Variants in ATP6V1B1 observed in about 807,000 individuals in gnomAD.
ATP6V1B1 encodes V-type proton ATPase subunit B, kidney isoform.
Under a neutral mutation model 62.1 loss-of-function variants are expected in ATP6V1B1, and 41 were observed. That is an observed-to-expected ratio of 0.66 (90% confidence interval 0.51 to 0.86). The LOEUF is 0.86. Ranked by LOEUF, ATP6V1B1 falls within the 40% of genes least tolerant of loss-of-function variation. The pLI, the probability that ATP6V1B1 is intolerant of heterozygous loss-of-function variation, is 0.00. For missense variants in ATP6V1B1, 651 were observed against 697.5 expected (o/e 0.93, Z 0.75); for synonymous variants, 253 against 273.4 (o/e 0.93, Z 0.74).
rs111803585 is a variant in ATP6V1B1, at chr2:70,960,358, A to G, written c.585+280A>G. On this transcript the variant is annotated intron_variant, in intron 6 of 13. Coordinates refer to ENST00000234396, the MANE Select transcript of ATP6V1B1 (RefSeq NM_001692.4). Reference sequence around the variant, plus strand: ...GGGGGAGCTCACAGCCCCTACCACCATCCCTGCACTCATCTTTACTCACCC... The same window carrying G: ...GGGGGAGCTCACAGCCCCTACCACCGTCCCTGCACTCATCTTTACTCACCC... 1.1e-4 allele frequency among the ~76,000 whole-genome samples: 17 copies of G among 152,218 alleles called. 1 individual carries two copies. The highest frequency in any genetic ancestry group is 3.9e-4 in the African/African-American group (16 of 41,546).
At chr2:70,961,918 T>C in intron 8 of ATP6V1B1, 1 of 590,986 alleles carries the variant, frequency 1.7e-6, no homozygotes, top group East Asian at 2.9e-5. Flanking sequence ...CTGTGCCCTC[T>C]GCTCTTCCCA....
chr2:70,961,098 C>A (rs190416898), intron 7 of ATP6V1B1, 76 bp downstream of exon 7: 4 of 1,452,400 alleles, frequency 2.8e-6, no homozygotes, highest in East Asian at 2.5e-5. Context: ...CCTGGCATGA[C>A]CTGATCTGAT....
chr2:70,945,370 T>C lies in ATP6V1B1; in HGVS notation c.174+1657T>C, dbSNP rs562130933. Among the ~76,000 whole-genome samples, 13 of 152,290 alleles carry C rather than the reference T, an allele frequency of 8.5e-5. 1 individual carries two copies. The highest frequency in any genetic ancestry group is 3.9e-4 in the Admixed American group (6 of 15,298). On this transcript the variant is annotated intron_variant, in intron 2 of 13. Coordinates refer to ENST00000234396, the MANE Select transcript of ATP6V1B1 (RefSeq NM_001692.4). Reference sequence around the variant, plus strand: ...AACACTAAATTTGCGTAAACGTTAATGAATGTAAAAATGTAACTTTCCCAT... The same window carrying C: ...AACACTAAATTTGCGTAAACGTTAACGAATGTAAAAATGTAACTTTCCCAT...
In ATP6V1B1 at chr2:70,935,905, T is replaced by A. The variant is rs782349438; in HGVS notation, c.-50T>A. On this transcript the variant is annotated 5_prime_UTR_variant, in exon 1 of 14. Coordinates refer to ENST00000234396, the MANE Select transcript of ATP6V1B1 (RefSeq NM_001692.4). ...CCAGCTGGACCTGAAGTCTCAGAGC[T>A]GCCACCAGCAGCAGGCTCAGACACT... The A allele has an allele frequency of 1.3e-6, 2 of 1,526,656 alleles. No homozygotes were observed. The highest frequency in any genetic ancestry group is 3.4e-5 in the Admixed American group (2 of 58,148). The allele number at this position is 1,526,656 out of a possible 1,614,324, so 94.6% of individuals were successfully genotyped here.
At chr2:70,948,782 G>A (rs1330636232) in intron 2 of ATP6V1B1, among the ~76,000 whole-genome samples, 1 of 152,156 alleles carries the variant, frequency 6.6e-6, no homozygotes, top group Non-Finnish European at 1.5e-5. Flanking sequence ...CCTCTTCACA[G>A]GACAAGGGAG....
chr2:70,959,165 G>T lies in ATP6V1B1; in HGVS notation c.445+70G>T. 2.0e-6 allele frequency: 3 copies of T among 1,527,624 alleles called. No homozygotes were observed. Among genetic ancestry groups the T allele is most frequent in the South Asian group, 1.1e-5 (1 of 88,110 alleles). 94.6% of individuals were successfully genotyped at this position (1,527,624 alleles called of 1,614,324 possible). ...CACCTTCCCCACTCTTGGAAGTTCT[G>T]CCCAGACTCACAAGCAGATCAGATG... On this transcript the variant is annotated intron_variant, in intron 5 of 13. Coordinates refer to ENST00000234396, the MANE Select transcript of ATP6V1B1 (RefSeq NM_001692.4). This position sits in a 1 kb window ranked among gnomAD's most constrained non-coding sequence, Gnocchi z 4.2.
chr2:70,949,935 GGATT>G (rs1277945152), intron 2 of ATP6V1B1, among the ~76,000 whole-genome samples: 2 of 151,782 alleles, frequency 1.3e-5, no homozygotes, highest in Non-Finnish European at 2.9e-5. Flanking sequence ...TCTTTTAATT[GGATT>G]ATTCAGAAAG....
At chr2:70,942,272 G>C (rs1680023973) in intron 1 of ATP6V1B1, 2 of 399,558 alleles carry the variant, frequency 5.0e-6, no homozygotes, top group Non-Finnish European at 8.8e-6. Context: ...TGAAGGCAGG[G>C]AGCTGAGGGA....
intron 2 of ATP6V1B1, among the ~76,000 whole-genome samples, chr2:70,952,581 T>G (rs1680346708): frequency 6.6e-6 from 1 of 152,216 alleles, no homozygotes; most frequent in African/African-American, 2.4e-5. Flanking sequence ...TCTCTATTAT[T>G]ATGAATTTTG....
rs565888772 is a variant in ATP6V1B1 at position 70,959,500 on chromosome 2, A to T, written c.445+405A>T. The stretch of plus-strand genomic sequence containing the variant: ...CCGTGGCTTGCCCTACGCCACACAG[A>T]AAGTCAGTGGCAGAGCACAGAAGAC... On this transcript the variant is annotated intron_variant, in intron 5 of 13. Coordinates refer to ENST00000234396, the MANE Select transcript of ATP6V1B1 (RefSeq NM_001692.4). This position sits in a 1 kb window ranked among gnomAD's most constrained non-coding sequence, Gnocchi z 4.2. Among the ~76,000 whole-genome samples the T allele has an allele frequency of 3.3e-5, 5 of 152,334 alleles. No homozygotes were observed. The East Asian group carries it at 9.7e-4, about 29-fold the overall frequency.
At chr2:70,944,717 G>A (rs1227508376) in intron 2 of ATP6V1B1, among the ~76,000 whole-genome samples, 5 of 144,010 alleles carry the variant, frequency 3.5e-5, no homozygotes, top group African/African-American at 1.3e-4. Flanking sequence ...CCCCCAGGCT[G>A]GAGTGCAGTG....
At chr2:70,944,120 C>A in intron 2 of ATP6V1B1, 1 of 1,285,524 alleles carries the variant, frequency 7.8e-7, no homozygotes, top group Non-Finnish European at 1.0e-6. Flanking sequence ...ACAGGATCTT[C>A]TTTTAACGGG....
intron 9 of ATP6V1B1, 81 bp downstream of exon 9, chr2:70,962,981 G>C: frequency 6.2e-7 from 1 of 1,607,526 alleles, no homozygotes; most frequent in Non-Finnish European, 8.5e-7. Context: ...CCTGCAAATA[G>C]AGGGGAGCTG....
Position 70,959,993 on chromosome 2 carries a change from G to A in ATP6V1B1, c.500G>A (p.Gly167Asp). Residue 167 changes from glycine to aspartate, a missense_variant, in exon 6 of 14, where the codon GGC becomes GAC. Physicochemically the swap from Gly to Asp is moderately conservative, Grantham distance 94 (BLOSUM62 -1). Transcript: ENST00000234396. This position sits in a 1 kb window ranked among gnomAD's most constrained non-coding sequence, Gnocchi z 4.2. ...RIYPEEMIQT[G>D]ISPIDVMNSI... is the part of the protein sequence containing the mutation. Reference sequence around the variant, plus strand: ...TACCCCGAGGAGATGATTCAGACGGGCATTTCTCCTATTGACGTCATGAAC... The same window carrying A: ...TACCCCGAGGAGATGATTCAGACGGACATTTCTCCTATTGACGTCATGAAC... The A allele has an allele frequency of 1.2e-6, 2 of 1,614,206 alleles. No individual in the cohort carries two copies. Among genetic ancestry groups the A allele is most frequent in the Non-Finnish European group, 1.7e-6 (2 of 1,180,042 alleles).
rs35710919 is a variant in ATP6V1B1, at chr2:70,945,701, GATATATATATATATATATAT to G, written c.174+2010_174+2029del. Among the ~76,000 whole-genome samples the G allele has an allele frequency of 2.4e-4, 20 of 83,022 alleles. 1 individual carries two copies. The highest frequency in any genetic ancestry group is 1.9e-3 in the South Asian group (5 of 2,590). The allele number at this position is 83,022 out of a possible 152,430, so 54.5% of individuals were successfully genotyped here. A position where few individuals can be genotyped will look rare whatever the true frequency, so the allele number is the denominator to read the frequency against. On this transcript the variant is annotated intron_variant, in intron 2 of 13. Transcript: ENST00000234396. ...TATCCTCTTTCTGGCTATTTGAAGA[GATATATATATATATATATAT>G]ATATATATATATATATATATAGTTG... is the stretch of plus-strand genomic sequence containing the variant.
At chr2:70,961,138 G>T (rs1383794785) in intron 7 of ATP6V1B1, 116 bp downstream of exon 7, 1 of 1,104,032 alleles carries the variant, frequency 9.1e-7, no homozygotes, top group African/African-American at 1.6e-5. Flanking sequence ...CGGCCAGCCA[G>T]GAGGGGTGAG....
chr2:70,950,973 A>T (rs566699437), intron 2 of ATP6V1B1, among the ~76,000 whole-genome samples: 9 of 83,520 alleles, frequency 1.1e-4, no homozygotes, highest in Admixed American at 5.7e-4. Context: ...ACGGAGTTTC[A>T]CTCTTGTTGC....
Position 70,964,964 on chromosome 2 carries a change from A to G in ATP6V1B1, c.1385A>G (p.Tyr462Cys). 1.2e-6 allele frequency: 2 copies of G among 1,613,888 alleles called. 1 individual carries two copies. The highest frequency in any genetic ancestry group is 2.2e-5 in the South Asian group (2 of 91,076). ...FEKNFINQGP[Y>C]ENRSVFESLD... ...CCTCCCGCTCTGTCCCTAGGCCCCTACGAGAACCGCTCGGTGTTCGAGTCG... is the reference window on the plus strand; with the variant it reads ...CCTCCCGCTCTGTCCCTAGGCCCCTGCGAGAACCGCTCGGTGTTCGAGTCG... The change falls in exon 14 of 14, where the codon TAC (tyrosine) becomes TGC (cysteine). Residue 462 changes from tyrosine (Y) to cysteine (C), a missense_variant. Coordinates refer to ENST00000234396, the MANE Select transcript of ATP6V1B1 (RefSeq NM_001692.4).
chr2:70,952,087 GGAT>G (rs1428994534), intron 2 of ATP6V1B1, among the ~76,000 whole-genome samples: 2 of 152,148 alleles, frequency 1.3e-5, no homozygotes, highest in South Asian at 2.1e-4. Context: ...CCATGTACAA[GGAT>G]GTTGATGTTG....
Sources: allele counts gnomAD v4.1 joint callset (sites outside exome capture counted in the v4.1 genomes callset), GRCh38; gene constraint gnomAD v4.1.1; non-coding constraint Gnocchi (gnomAD v3.1); transcripts MANE v1.5; gene names NCBI Gene and HGNC (gene_info 2026-07-23, HGNC 2026-07-21).